ASCC3: variants seen among roughly 807,000 people sequenced by gnomAD.
The protein encoded by ASCC3 is ASC-1 complex subunit P200.
In ASCC3, 158 loss-of-function variants were observed where a neutral mutation model predicts 256.3. The observed-to-expected ratio is 0.62, with a 90% CI of 0.54 to 0.70. The LOEUF (loss-of-function observed/expected upper bound fraction) is 0.70, where lower values mean the gene tolerates loss of function less well. Ranked by LOEUF, ASCC3 falls within the 30% of genes least tolerant of loss-of-function variation. The pLI, the probability that ASCC3 is intolerant of heterozygous loss-of-function variation, is 0.00. For missense variants in ASCC3, 2,259 were observed against 2,626.0 expected (o/e 0.86, Z 3.05); for synonymous variants, 948 against 883.4 (o/e 1.07, Z -1.30).
At chr6:100,819,271 A>G (rs933810644) in intron 4 of ASCC3, among the ~76,000 whole-genome samples, 10 of 152,172 alleles carry the variant, frequency 6.6e-5, no homozygotes, top group African/African-American at 2.4e-4. Context: ...CTATGTATCA[A>G]ACCTACACGT....
intron 10 of ASCC3, among the ~76,000 whole-genome samples, chr6:100,736,473 C>T (rs1780174854): frequency 6.6e-6 from 1 of 151,940 alleles, no homozygotes; most frequent in African/African-American, 2.4e-5. Context: ...TGCACTCCAG[C>T]CTGGGCAACA....
chr6:100,856,397 T>C, intron 3 of ASCC3: 1 of 984,052 alleles, frequency 1.0e-6, no homozygotes, highest in Non-Finnish European at 1.2e-6. Flanking sequence ...AGCCAAACCT[T>C]AAGCTAAATA....
intron 14 of ASCC3, among the ~76,000 whole-genome samples, chr6:100,664,767 G>T (rs76554151): frequency 0.015 from 2,341 of 152,236 alleles, 23 homozygotes; most frequent in East Asian, 0.045. Flanking sequence ...TATTTGCTAA[G>T]AGCTCCTTCA....
chr6:100,616,081 A>G (rs571276573), intron 30 of ASCC3, among the ~76,000 whole-genome samples: 1 of 152,340 alleles, frequency 6.6e-6, no homozygotes, highest in African/African-American at 2.4e-5. Flanking sequence ...AACATCTAGT[A>G]CTAACTTCTT....
At chr6:100,598,625 G>A (rs897895065) in intron 34 of ASCC3, among the ~76,000 whole-genome samples, 1 of 151,996 alleles carries the variant, frequency 6.6e-6, no homozygotes, top group Non-Finnish European at 1.5e-5. Flanking sequence ...AGAGCAACAG[G>A]GAGTCATACC....
chr6:100,647,202 C>G (rs1258017800), intron 21 of ASCC3, 24 bp downstream of exon 21: 5 of 1,562,388 alleles, frequency 3.2e-6, no homozygotes, highest in Non-Finnish European at 4.4e-6. Flanking sequence ...ACAATACATT[C>G]AAACATATTT....
intron 8 of ASCC3, among the ~76,000 whole-genome samples, chr6:100,774,410 G>C (rs1203100074): frequency 6.6e-6 from 1 of 151,970 alleles, no homozygotes; most frequent in Non-Finnish European, 1.5e-5. Flanking sequence ...CTGTTGCCTA[G>C]TCTGGAGTGC....
In ASCC3 at chr6:100,510,042, CA is replaced by C. The variant is rs575898480; in HGVS notation, c.6350del (p.Leu2117Ter). ...FPKSKDEGWF[L>X]ILGEVDKREL... is the part of the protein sequence containing the mutation. ...CTCTCTTATCCACTTCTCCTAATATCAAAAACCATCCTTCGTCTTTTGATTT... is the reference window on the plus strand; with the variant it reads ...CTCTCTTATCCACTTCTCCTAATATCAAAACCATCCTTCGTCTTTTGATTT... On this transcript the variant is annotated frameshift_variant, in exon 41 of 42. Coordinates refer to ENST00000369162, the MANE Select transcript of ASCC3 (RefSeq NM_006828.4). LOFTEE classifies it high-confidence loss of function. 9 of 1,614,034 alleles carry C rather than the reference CA, an allele frequency of 5.6e-6. No homozygotes were observed. The highest frequency in any genetic ancestry group is 7.6e-6 in the Non-Finnish European group (9 of 1,180,030).
intron 27 of ASCC3, among the ~76,000 whole-genome samples, chr6:100,628,503 T>G (rs1303935152): frequency 2.0e-5 from 3 of 152,152 alleles, no homozygotes; most frequent in African/African-American, 7.2e-5. Context: ...CTTAGCACCA[T>G]CCTCTTGGTG....
intron 3 of ASCC3, among the ~76,000 whole-genome samples, chr6:100,849,519 A>T (rs914700348): frequency 1.3e-5 from 2 of 152,158 alleles, no homozygotes; most frequent in African/African-American, 2.4e-5. Flanking sequence ...ACCATCAAGG[A>T]TATTTATTAA....
chr6:100,679,578 C>A (rs745625713), intron 14 of ASCC3, 40 bp downstream of exon 14: 3 of 1,611,874 alleles, frequency 1.9e-6, no homozygotes, highest in Admixed American at 1.7e-5. Flanking sequence ...GGATATGTGG[C>A]ATGTTACATG....
intron 38 of ASCC3, among the ~76,000 whole-genome samples, chr6:100,517,700 A>C (rs1562087720): frequency 1.3e-5 from 2 of 152,180 alleles, no homozygotes; most frequent in Non-Finnish European, 2.9e-5. Context: ...TCTTAAATGA[A>C]GATTGATATT....
At chr6:100,847,269 C>T (rs9485416) in intron 4 of ASCC3, among the ~76,000 whole-genome samples, 5,399 of 151,956 alleles carry the variant, frequency 0.036, 184 homozygotes, top group African/African-American at 0.082. Flanking sequence ...AAATTTTCTT[C>T]GTAAATCACA....
chr6:100,823,991 A>G (rs1771176408), intron 4 of ASCC3, among the ~76,000 whole-genome samples: 1 of 152,198 alleles, frequency 6.6e-6, no homozygotes, highest in Non-Finnish European at 1.5e-5. Flanking sequence ...TAAATAATAT[A>G]CCATGGAAAA....
intron 34 of ASCC3, among the ~76,000 whole-genome samples, chr6:100,598,647 C>G (rs1562152288): frequency 6.6e-6 from 1 of 152,098 alleles, no homozygotes; most frequent in Non-Finnish European, 1.5e-5. Context: ...ACCCAGCTCC[C>G]TGTGTGTGGG....
chr6:100,579,298 T>C (rs1771061919), intron 36 of ASCC3, among the ~76,000 whole-genome samples: 3 of 152,046 alleles, frequency 2.0e-5, no homozygotes. Flanking sequence ...AGGCTGTCTG[T>C]TTACTCTACT....
In ASCC3 at chr6:100,608,097, C is replaced by CATATATATGTATATATGTATATAT. The variant is rs1391815541; in HGVS notation, c.4786-1010_4786-1009insATATATACATATATACATATATAT. 2.1e-3 allele frequency among the ~76,000 whole-genome samples: 94 copies of CATATATATGTATATATGTATATAT among 44,982 alleles called. 3 individuals are homozygous for CATATATATGTATATATGTATATAT. The highest frequency in any genetic ancestry group is 0.05 in the Middle Eastern group (2 of 40). 29.5% of individuals were successfully genotyped at this position (44,982 alleles called of 152,430 possible). On this transcript the variant is annotated intron_variant, in intron 30 of 41. Transcript: ENST00000369162. ...ATATATATGTATATATATCTATATA[C>CATATATATGTATATATGTATATAT]ACATATATATGTATATATATCTATA... is the stretch of plus-strand genomic sequence containing the variant.
intron 10 of ASCC3, among the ~76,000 whole-genome samples, chr6:100,750,826 C>T (rs1002944936): frequency 2.6e-5 from 4 of 151,950 alleles, no homozygotes; most frequent in Non-Finnish European, 5.9e-5. Flanking sequence ...AAAACCTGTA[C>T]TAATGCTGGT....
intron 3 of ASCC3, among the ~76,000 whole-genome samples, chr6:100,850,468 CTCACTGTACTTAGCCCCA>C (rs1471139916): frequency 6.6e-6 from 1 of 152,082 alleles, no homozygotes; most frequent in Non-Finnish European, 1.5e-5. Flanking sequence ...TGTAGTATTC[CTCACTGTACTTAGCCCCA>C]AATAGGTAGC....
Sources: allele counts gnomAD v4.1 joint callset (sites outside exome capture counted in the v4.1 genomes callset), GRCh38; gene constraint gnomAD v4.1.1; transcripts MANE v1.5; gene names NCBI Gene and HGNC (gene_info 2026-07-23, HGNC 2026-07-21).